LRRK2: variants seen among roughly 807,000 people sequenced by gnomAD.
The protein encoded by LRRK2 is leucine-rich repeat serine/threonine-protein kinase 2.
In LRRK2, 203 loss-of-function variants were observed where a neutral mutation model predicts 302.6. The ratio of observed to expected loss-of-function variants is 0.67; its 90% CI spans 0.60 to 0.75. LRRK2 has a LOEUF of 0.75. LRRK2 is among the 30% of genes least tolerant of loss of function. The pLI is 0.00. For missense variants in LRRK2, 2,830 were observed against 2,951.0 expected, an observed-to-expected ratio of 0.96 and a Z score of 0.95; for synonymous variants, 1,066 against 1,031.9, an observed-to-expected ratio of 1.03 and a Z score of -0.63.
chr12:40,367,722 G>T lies in LRRK2; in HGVS notation c.7541G>T (p.Arg2514Ile), dbSNP rs1565787068. ...AATTTAGAAAAACACATTGAAGTGA[G>T]AAAAGAATTAGCTGAAAAAATGAGA... ...VQNLEKHIEVRKELAEKMRRT... is the reference protein window; with the variant it reads ...VQNLEKHIEVIKELAEKMRRT... The change falls in exon 51 of 51, where the codon AGA (arginine) becomes ATA (isoleucine). Residue 2514 changes from arginine to isoleucine, a missense_variant. Physicochemically the swap from Arg to Ile is moderately conservative, Grantham distance 97. This residue lies in a region of LRRK2 where 456 missense variants were observed against 456.3 expected (regional missense o/e 1.00). Transcript: ENST00000298910. 1 of 1,604,566 alleles carries T rather than the reference G, an allele frequency of 6.2e-7. No homozygotes were observed. Among genetic ancestry groups the T allele is most frequent in the Non-Finnish European group, 8.5e-7 (1 of 1,174,444 alleles).
chr12:40,329,805 C>T (rs1458840947), intron 39 of LRRK2, among the ~76,000 whole-genome samples: 1 of 152,074 alleles, frequency 6.6e-6, no homozygotes, highest in Non-Finnish European at 1.5e-5. Context: ...AACTCCTGGC[C>T]TCAAGTGATC....
At chr12:40,312,390 T>C (rs1428868157) in intron 31 of LRRK2, among the ~76,000 whole-genome samples, 1 of 152,168 alleles carries the variant, frequency 6.6e-6, no homozygotes, top group African/African-American at 2.4e-5. Context: ...CTCTTTCAGA[T>C]GACCCAGGGC....
chr12:40,335,297 T>G (rs1023645356), intron 40 of LRRK2, 140 bp downstream of exon 40: 2 of 968,548 alleles, frequency 2.1e-6, no homozygotes, highest in Non-Finnish European at 3.2e-6. Flanking sequence ...ACCATTTCCC[T>G]GATCAAATTT....
chr12:40,252,939 C>T lies in LRRK2; in HGVS notation c.1211C>T (p.Ser404Phe), dbSNP rs1942343374. The T allele has an allele frequency of 6.2e-7, 1 of 1,613,322 alleles. No individual in the cohort carries two copies. Among genetic ancestry groups the T allele is most frequent in the Non-Finnish European group, 8.5e-7 (1 of 1,179,494 alleles). The change falls in exon 11 of 51, where the codon TCC becomes TTC. Residue 404 changes from serine to phenylalanine, a missense_variant. By Grantham distance (155) the Ser-to-Phe change is radical. Coordinates refer to ENST00000298910, the MANE Select transcript of LRRK2 (RefSeq NM_198578.4). ...CCAGCTCATAGGGAAGTGATGCTCT[C>T]CATGCTGATGCATTCTTCATCAAAG... ...HFPAHREVMLSMLMHSSSKEV... is the reference protein window; with the variant it reads ...HFPAHREVMLFMLMHSSSKEV...
intron 47 of LRRK2, 46 bp downstream of exon 47, chr12:40,359,490 GT>G: frequency 1.3e-6 from 2 of 1,538,264 alleles, no homozygotes; most frequent in Middle Eastern, 1.9e-4. Context: ...TTATACTTTT[GT>G]TTTTTCCTTA....
At chr12:40,269,126 C>T (rs1231630541) in intron 14 of LRRK2, among the ~76,000 whole-genome samples, 1 of 152,022 alleles carries the variant, frequency 6.6e-6, no homozygotes, top group Non-Finnish European at 1.5e-5. Context: ...AATTAAAATG[C>T]CATGTTTTCT....
At position 40,274,679 on chromosome 12, in the gene LRRK2, G is replaced by C; in HGVS notation, c.1753G>C (p.Ala585Pro). 1 of 1,614,016 alleles carries C rather than the reference G, an allele frequency of 6.2e-7. No homozygotes were observed. Among genetic ancestry groups the C allele is most frequent in the South Asian group, 1.1e-5 (1 of 91,080 alleles). Residue 585 changes from alanine (A) to proline (P), a missense_variant, in exon 15 of 51, where the codon GCT (alanine) becomes CCT (proline). By Grantham distance (27) the Ala-to-Pro change is conservative. Around this residue, in one of 3 missense-constraint regions of LRRK2, gnomAD observed 2,121 missense variants for 2,148.0 expected, o/e 0.99. Coordinates refer to ENST00000298910, the MANE Select transcript of LRRK2 (RefSeq NM_198578.4). ...DALEMLSLEG[A>P]MDSVLHTLQM... is the part of the protein sequence containing the mutation. The stretch of plus-strand genomic sequence containing the variant: ...ATTAGAGATGTTATCCCTGGAAGGT[G>C]CTATGGATTCAGTGCTTCACACACT...
chr12:40,288,929 A>C (rs1322245217), intron 20 of LRRK2, among the ~76,000 whole-genome samples: 1 of 151,770 alleles, frequency 6.6e-6, no homozygotes, highest in African/African-American at 2.4e-5. Flanking sequence ...GCAGTTTTCC[A>C]GTTTTTTTCT....
At chr12:40,266,410 A>G (rs1165483162) in intron 14 of LRRK2, among the ~76,000 whole-genome samples, 1 of 152,262 alleles carries the variant, frequency 6.6e-6, no homozygotes. Context: ...AATCCTCATC[A>G]TCATTGGCCA....
chr12:40,355,522 TCCC>T (rs1946503538), intron 45 of LRRK2, among the ~76,000 whole-genome samples: 1 of 23,792 alleles, frequency 4.2e-5, no homozygotes, highest in Non-Finnish European at 1.0e-4. Flanking sequence ...CCTCCCTCCC[TCCC>T]TCCCTTCCTT....
chr12:40,248,879 A>G (rs1260865436), intron 7 of LRRK2, among the ~76,000 whole-genome samples: 1 of 151,964 alleles, frequency 6.6e-6, no homozygotes, highest in Admixed American at 6.6e-5. Flanking sequence ...TGAAAACACT[A>G]GTGATCACTA....
intron 33 of LRRK2, among the ~76,000 whole-genome samples, chr12:40,316,011 C>G (rs985571176): frequency 3.3e-5 from 5 of 151,800 alleles, no homozygotes; most frequent in African/African-American, 1.2e-4. Context: ...ATATTCGAGA[C>G]GTAAGTAGTA....
chr12:40,297,569 T>A (rs1403464784), intron 23 of LRRK2, among the ~76,000 whole-genome samples: 2 of 152,172 alleles, frequency 1.3e-5, no homozygotes, highest in Non-Finnish European at 2.9e-5. Flanking sequence ...TATCAAACTC[T>A]AGAGTTTCTC....
chr12:40,251,600 C>A, intron 10 of LRRK2, 56 bp downstream of exon 10: 1 of 1,350,098 alleles, frequency 7.4e-7, no homozygotes, highest in Non-Finnish European at 1.0e-6. Flanking sequence ...TAAATCAATA[C>A]CTATAAAATA....
rs777704246 is a variant in LRRK2, at chr12:40,263,901, G to A, written c.1656G>A (p.Arg552=). ...AACTGGTCCTAGCAGCTTTGAACAG[G>A]GTATGTTGAATATAAGTTTTCTGTA... is the stretch of plus-strand genomic sequence containing the variant. ...IHKLVLAALN[R]FIGNPGIQKC... is the part of the protein sequence containing the mutation. Residue 552 remains arginine (R), a splice_region_variant and synonymous_variant, in exon 14 of 51, where the codon AGG becomes AGA. Transcript: ENST00000298910. 6.3e-7 allele frequency: 1 copy of A among 1,591,554 alleles called. No homozygotes were observed. The highest frequency in any genetic ancestry group is 8.6e-7 in the Non-Finnish European group (1 of 1,160,374).
At chr12:40,248,436 A>G (rs1942105574) in intron 7 of LRRK2, among the ~76,000 whole-genome samples, 1 of 152,180 alleles carries the variant, frequency 6.6e-6, no homozygotes, top group South Asian at 2.1e-4. Flanking sequence ...TTTTTTGAAA[A>G]TAAAAAGTGA....
chr12:40,338,230 C>T (rs4767971), intron 40 of LRRK2, among the ~76,000 whole-genome samples: 127,591 of 152,116 alleles, frequency 0.84, 53,693 homozygotes, highest in Middle Eastern at 0.91. Flanking sequence ...TGAGGACTGT[C>T]TGAGCACAAT....
Position 40,295,574 on chromosome 12 carries a change from A to G in LRRK2, c.3026A>G (p.His1009Arg). Residue 1009 changes from histidine to arginine, a missense_variant, in exon 23 of 51, where the codon CAT (histidine) becomes CGT (arginine). Around this residue, in one of 3 missense-constraint regions of LRRK2, gnomAD observed 2,121 missense variants for 2,148.0 expected, o/e 0.99. Coordinates refer to ENST00000298910, the MANE Select transcript of LRRK2 (RefSeq NM_198578.4). ...AGCCAGAAATGCTGTATAAGTGTTC[A>G]TTTGGAGCATCTTGAAAAGCTGGAG... The part of the protein sequence containing the change: ...ALSQKCCISV[H>R]LEHLEKLELH... 2 of 1,614,092 alleles carry G rather than the reference A, an allele frequency of 1.2e-6. No individual in the cohort carries two copies. The highest frequency in any genetic ancestry group is 4.5e-5 in the East Asian group (2 of 44,870).
intron 30 of LRRK2, among the ~76,000 whole-genome samples, chr12:40,309,697 T>A (rs1944971674): frequency 6.6e-6 from 1 of 152,146 alleles, no homozygotes; most frequent in African/African-American, 2.4e-5. Flanking sequence ...CTCCCTTTTG[T>A]TGCTTTTCTA....
Sources: allele counts gnomAD v4.1 joint callset (sites outside exome capture counted in the v4.1 genomes callset), GRCh38; gene constraint gnomAD v4.1.1; regional missense constraint gnomAD v4.1.1; transcripts MANE v1.5; gene names NCBI Gene and HGNC (gene_info 2026-07-23, HGNC 2026-07-21).